The following CROCC2 variants were observed in gnomAD, a reference collection of about 807,000 sequenced individuals.
CROCC2 encodes the protein ciliary rootlet coiled-coil protein 2.
Under a neutral mutation model 177.6 loss-of-function variants are expected in CROCC2, and 163 were observed. The ratio of observed to expected loss-of-function variants is 0.92; its 90% confidence interval spans 0.81 to 1.05. The LOEUF (loss-of-function observed/expected upper bound fraction) is 1.05, where lower values mean the gene tolerates loss of function less well. Among genes scored for constraint, CROCC2 ranks in the 50% least tolerant of loss-of-function variants. The pLI is 0.00. For synonymous variants in CROCC2, 904 were observed against 787.3 expected, an observed-to-expected ratio of 1.15 and a Z score of -2.48; for missense variants, 1,929 against 1,797.8, an observed-to-expected ratio of 1.07 and a Z score of -1.32.
intron 19 of CROCC2, 116 bp downstream of exon 19, chr2:240,956,088 G>A (rs953183957): frequency 1.5e-5 from 11 of 751,814 alleles, no homozygotes; most frequent in Non-Finnish European, 2.2e-5. Context: ...CTCCCTTCCT[G>A]AGCCTCAGTT....
chr2:240,983,550 T>G lies in CROCC2; in HGVS notation c.4551+521T>G, dbSNP rs988736282. On this transcript the variant is annotated intron_variant, in intron 28 of 31. Coordinates refer to ENST00000690015, the MANE Select transcript of CROCC2 (RefSeq NM_001351305.2). ...GAGCGGGCGCGTCTGCAGGGGGAGCTCGCGGCGCTGCGCGCTCAGCTCGCA... is the reference window on the plus strand; with the variant it reads ...GAGCGGGCGCGTCTGCAGGGGGAGCGCGCGGCGCTGCGCGCTCAGCTCGCA... 4.3e-5 allele frequency: 55 copies of G among 1,273,198 alleles called. No homozygotes were observed. In the African/African-American group the frequency reaches 8.0e-4, roughly 19 times the overall value. 78.9% of individuals were successfully genotyped at this position (1,273,198 alleles called of 1,614,324 possible).
chr2:240,975,941 G>A (rs913861680), intron 27 of CROCC2, among the ~76,000 whole-genome samples: 1 of 152,036 alleles, frequency 6.6e-6, no homozygotes, highest in Non-Finnish European at 1.5e-5. Flanking sequence ...GTGTTGTCCA[G>A]GCTGGTCTCG....
Position 240,907,691 on chromosome 2 carries a change from GTGGGGTGAGCTCTACCTCCTCCACC to G in CROCC2, c.78+1127_78+1151del, listed in dbSNP as rs1553653593. Among the ~76,000 whole-genome samples, 45 of 151,866 alleles carry G rather than the reference GTGGGGTGAGCTCTACCTCCTCCACC, an allele frequency of 3.0e-4. No homozygotes were observed. The East Asian group carries it at 6.2e-3, about 21-fold the overall frequency. ...CGATGCAACAAGACAAAGAGGTGCC[GTGGGGTGAGCTCTACCTCCTCCACC>G]TGGGGTGAGCTCTACCTCCTCCACC... On this transcript the variant is annotated intron_variant, in intron 1 of 31. Transcript: ENST00000690015.
chr2:240,927,981 A>G (rs560603548), intron 5 of CROCC2, among the ~76,000 whole-genome samples: 1 of 152,258 alleles, frequency 6.6e-6, no homozygotes, highest in African/African-American at 2.4e-5. Flanking sequence ...CCTTTTATTT[A>G]TTTGTTGAAC....
chr2:240,946,375 A>G (rs2059524831), intron 15 of CROCC2, 122 bp downstream of exon 15: 1 of 1,028,204 alleles, frequency 9.7e-7, no homozygotes, highest in South Asian at 2.1e-5. Flanking sequence ...GCGTGTGCCC[A>G]TGAAATGGGC....
At chr2:240,910,843 T>C (rs1467705688) in intron 1 of CROCC2, among the ~76,000 whole-genome samples, 1 of 152,206 alleles carries the variant, frequency 6.6e-6, no homozygotes, top group Non-Finnish European at 1.5e-5. Context: ...AAATTTCTTT[T>C]TTTCTGGCCG....
At chr2:240,935,654 G>T in intron 14 of CROCC2, 66 bp downstream of exon 14, 1 of 1,219,528 alleles carries the variant, frequency 8.2e-7, no homozygotes, top group Non-Finnish European at 1.1e-6. Flanking sequence ...TCTTGCCTAA[G>T]GTACTTCTGG....
At chr2:240,929,983 A>G (rs1384364670) in intron 5 of CROCC2, among the ~76,000 whole-genome samples, 183 bp from the exon 6 acceptor site, 3 of 152,296 alleles carry the variant, frequency 2.0e-5, no homozygotes, top group Middle Eastern at 6.8e-3. Flanking sequence ...GGAGGGGCAC[A>G]GTATGGCCCC....
At chr2:240,971,640 C>T (rs1412500648) in intron 27 of CROCC2, among the ~76,000 whole-genome samples, 2 of 152,166 alleles carry the variant, frequency 1.3e-5, no homozygotes, top group Non-Finnish European at 2.9e-5. Flanking sequence ...TTTTTACCTA[C>T]CCCGGCAAAC....
chr2:240,959,844 C>A, intron 20 of CROCC2: 1 of 165,364 alleles, frequency 6.0e-6, no homozygotes, highest in Non-Finnish European at 1.3e-5. Context: ...GGGAAGGGAG[C>A]TCCCTGGAGG....
At chr2:240,934,770 C>CCCCAGTGTGGCGACCTT (rs1173688158) in intron 12 of CROCC2, 146 bp from the exon 13 acceptor site, 3 of 896,836 alleles carry the variant, frequency 3.3e-6, no homozygotes, top group Non-Finnish European at 4.8e-6. Context: ...CCTGAGACCT[C>CCCCAGTGTGGCGACCTT]CCCACTGTGG....
At position 240,918,086 on chromosome 2, in the gene CROCC2, G is replaced by A. The variant is rs1285175177; in HGVS notation, c.79-640G>A. 1.3e-5 allele frequency among the ~76,000 whole-genome samples: 2 copies of A among 152,184 alleles called. No homozygotes were observed. Among genetic ancestry groups the A allele is most frequent in the African/African-American group, 4.8e-5 (2 of 41,438 alleles). The stretch of plus-strand genomic sequence containing the variant: ...CCTGGGCCTTCCTGCCCACTTCTGG[G>A]CCTATTGGAGCCTCTTCCCTGGCAG... On this transcript the variant is annotated intron_variant, in intron 1 of 31. Transcript: ENST00000690015. The surrounding 1 kb of genome is among the most constrained non-coding windows in gnomAD (Gnocchi z 6.3).
intron 1 of CROCC2, among the ~76,000 whole-genome samples, chr2:240,913,049 G>T (rs2059298329): frequency 6.6e-6 from 1 of 152,170 alleles, no homozygotes; most frequent in African/African-American, 2.4e-5. Context: ...GCCCTGTCAG[G>T]CACAGCCAGG....
chr2:240,975,348 C>G (rs963346186), intron 27 of CROCC2, among the ~76,000 whole-genome samples: 1 of 152,208 alleles, frequency 6.6e-6, no homozygotes, highest in Non-Finnish European at 1.5e-5. Context: ...CTCCAATCCC[C>G]TTGTATCTGA....
chr2:240,966,696 C>T (rs2059686923), intron 25 of CROCC2, among the ~76,000 whole-genome samples: 1 of 152,144 alleles, frequency 6.6e-6, no homozygotes, highest in Non-Finnish European at 1.5e-5. Flanking sequence ...CATGCCACCC[C>T]TGAAGAGCTG....
At chr2:240,931,176 C>T (rs2059428641) in intron 7 of CROCC2, 48 bp downstream of exon 7, 2 of 671,844 alleles carry the variant, frequency 3.0e-6, no homozygotes, top group Non-Finnish European at 5.5e-6. Context: ...CCCGGGGGGT[C>T]GGGGCCCATC....
chr2:240,968,938 C>T (rs564397588), intron 27 of CROCC2, among the ~76,000 whole-genome samples: 2 of 152,300 alleles, frequency 1.3e-5, no homozygotes, highest in South Asian at 4.1e-4. Context: ...CCAAGCAGCC[C>T]CCGGGGTGTC....
At position 240,973,147 on chromosome 2, in the gene CROCC2, C is replaced by T. The variant is rs1012637556; in HGVS notation, c.4401+4885C>T. On this transcript the variant is annotated intron_variant, in intron 27 of 31. Transcript: ENST00000690015. This position sits in a 1 kb window ranked among gnomAD's most constrained non-coding sequence, Gnocchi z 4.7. ...GGTTTTTCCCCTGTTTCACATAAGC[C>T]GATGTGTTTGTCAAGAGAAAGTTAA... Among the ~76,000 whole-genome samples, 10 of 152,260 alleles carry T rather than the reference C, an allele frequency of 6.6e-5. No individual in the cohort carries two copies. The highest frequency in any genetic ancestry group is 3.4e-3 in the Middle Eastern group (1 of 294).
intron 3 of CROCC2, among the ~76,000 whole-genome samples, chr2:240,921,688 G>A (rs1224779454): frequency 6.6e-6 from 1 of 152,196 alleles, no homozygotes; most frequent in South Asian, 2.1e-4. Context: ...CAGAGTGCCT[G>A]ACCATGGCAT....
Sources: allele counts gnomAD v4.1 joint callset (sites outside exome capture counted in the v4.1 genomes callset), GRCh38; gene constraint gnomAD v4.1.1; non-coding constraint Gnocchi (gnomAD v3.1); transcripts MANE v1.5; gene names NCBI Gene and HGNC (gene_info 2026-07-23, HGNC 2026-07-21).